The following DMBT1 variants were observed in gnomAD, a reference collection of about 807,000 sequenced individuals.
The protein encoded by DMBT1 is deleted in malignant brain tumors 1, also known as scavenger receptor cysteine-rich domain-containing protein DMBT1.
A neutral mutation model predicts 252.9 loss-of-function variants in DMBT1; 198 were observed. The ratio of observed to expected loss-of-function variants is 0.78; its 90% CI spans 0.70 to 0.88. DMBT1 has a LOEUF of 0.88. Ranked by LOEUF, DMBT1 falls within the 40% of genes least tolerant of loss-of-function variation. DMBT1 has a pLI of 0.00. For missense variants in DMBT1, 2,432 were observed against 2,404.7 expected, an observed-to-expected ratio of 1.01 and a Z score of -0.24; for synonymous variants, 990 against 942.7, an observed-to-expected ratio of 1.05 and a Z score of -0.92.
chr10:122,627,935 A>G (rs1251465659), intron 46 of DMBT1, among the ~76,000 whole-genome samples: 1 of 152,264 alleles, frequency 6.6e-6, no homozygotes, highest in African/African-American at 2.4e-5. Context: ...AAGGCATTGG[A>G]AAGATGCTCA....
intron 2 of DMBT1, among the ~76,000 whole-genome samples, chr10:122,568,916 A>T (rs1447758061): frequency 6.6e-6 from 1 of 152,184 alleles, no homozygotes; most frequent in Admixed American, 6.5e-5. Context: ...GGTAGTGTGG[A>T]TATCACCTTG....
Position 122,630,382 on chromosome 10 carries a change from A to G in DMBT1, c.5917A>G (p.Thr1973Ala), listed in dbSNP as rs751935805. The change falls in exon 48 of 56, where the codon ACC (threonine) becomes GCC (alanine). Residue 1973 changes from threonine to alanine, a missense_variant. Around this residue, in one of 3 missense-constraint regions of DMBT1, gnomAD observed 1,162 missense variants for 1,169.0 expected, o/e 0.99. Transcript: ENST00000338354. The stretch of plus-strand genomic sequence containing the variant: ...CCTGCTGGGGAAAATCTGTAATGAT[A>G]CCAGGCAAATATTTACATCTTCTTA... ...SLLLGKICND[T>A]RQIFTSSYNR... 3.7e-6 allele frequency: 6 copies of G among 1,613,912 alleles called. No homozygotes were observed. Among genetic ancestry groups the G allele is most frequent in the Admixed American group, 1.7e-5 (1 of 60,006 alleles).
chr10:122,597,446 C>T (rs905945093), intron 24 of DMBT1, among the ~76,000 whole-genome samples: 4 of 152,166 alleles, frequency 2.6e-5, no homozygotes, highest in South Asian at 2.1e-4. Context: ...ATGGCTGCCG[C>T]CACAGGCAAG....
chr10:122,572,256 C>A, intron 4 of DMBT1, 58 bp from the exon 5 acceptor site: 2 of 1,607,586 alleles, frequency 1.2e-6, no homozygotes, highest in Non-Finnish European at 1.7e-6. Context: ...AAGCCATGGA[C>A]CAACCCTCTT....
intron 6 of DMBT1, among the ~76,000 whole-genome samples, chr10:122,575,667 T>C (rs2097706070): frequency 6.6e-6 from 1 of 152,202 alleles, no homozygotes; most frequent in Non-Finnish European, 1.5e-5. Flanking sequence ...ACTATATCCA[T>C]GGGCTTTACT....
intron 6 of DMBT1, 64 bp downstream of exon 6, chr10:122,573,826 T>G: frequency 2.1e-5 from 33 of 1,570,200 alleles, no homozygotes; most frequent in Non-Finnish European, 2.5e-5. Flanking sequence ...GGTTAATCTC[T>G]GATTCAGATG....
Position 122,576,477 on chromosome 10 carries a change from G to A in DMBT1, c.362G>A (p.Gly121Asp), listed in dbSNP as rs377299665. ...GGCCGAGTGGAGATCCTATACCGAG[G>A]CTCCTGGGGCACCGTGTGTGATGAC... ...CQGRVEILYR[G>D]SWGTVCDDSW... is the part of the protein sequence containing the mutation. Residue 121 changes from glycine to aspartate, a missense_variant, in exon 7 of 56, where the codon GGC (glycine) becomes GAC (aspartate). Physicochemically the swap from Gly to Asp is moderately conservative, Grantham distance 94 (BLOSUM62 -1). Around this residue, in one of 3 missense-constraint regions of DMBT1, gnomAD observed 1,264 missense variants for 1,082.2 expected, o/e 1.17. Transcript: ENST00000338354. The A allele has an allele frequency of 6.2e-7, 1 of 1,614,010 alleles. No homozygotes were observed. Among genetic ancestry groups the A allele is most frequent in the Non-Finnish European group, 8.5e-7 (1 of 1,179,888 alleles).
rs1304521728 is a variant in DMBT1, at chr10:122,620,397, T to C, written c.5284+106T>C. 46 of 1,393,704 alleles carry C rather than the reference T, an allele frequency of 3.3e-5. 1 individual carries two copies. The highest frequency in any genetic ancestry group is 2.0e-4 in the Middle Eastern group (1 of 5,054). 86.3% of individuals were successfully genotyped at this position (1,393,704 alleles called of 1,614,324 possible). A position where few individuals can be genotyped will look rare whatever the true frequency, so the allele number is the denominator to read the frequency against. On this transcript the variant is annotated intron_variant, in intron 43 of 55. Transcript: ENST00000338354. Reference sequence around the variant, plus strand: ...CTCAAGCTGGCGCCTCTGTTTTTCATGTTTCCGCGAGTTGCCTGGGGAGGT... The same window carrying C: ...CTCAAGCTGGCGCCTCTGTTTTTCACGTTTCCGCGAGTTGCCTGGGGAGGT...
chr10:122,631,253 T>A lies in DMBT1; in HGVS notation c.6318T>A (p.His2106Gln), dbSNP rs761827041. The change falls in exon 49 of 56, where the codon CAT (histidine) becomes CAA (glutamine). Residue 2106 changes from histidine (H) to glutamine (Q), a missense_variant. Coordinates refer to ENST00000338354, the MANE Select transcript of DMBT1 (RefSeq NM_001377530.1). Reference sequence around the variant, plus strand: ...GCTGGTTCTCCCACAACTGTAATCATCGTGAAGATGCTGGTGTCATCTGCT... The same window carrying A: ...GCTGGTTCTCCCACAACTGTAATCAACGTGAAGATGCTGGTGTCATCTGCT... The part of the protein sequence containing the change: ...NRGWFSHNCN[H>Q]REDAGVICSG... The A allele has an allele frequency of 6.2e-7, 1 of 1,614,018 alleles. No homozygotes were observed. The highest frequency in any genetic ancestry group is 8.5e-7 in the Non-Finnish European group (1 of 1,179,890).
Position 122,618,341 on chromosome 10 carries a change from G to C in DMBT1, c.5215+1G>C, listed in dbSNP as rs536562814. On this transcript the variant is annotated splice_donor_variant, in intron 41 of 55. Coordinates refer to ENST00000338354, the MANE Select transcript of DMBT1 (RefSeq NM_001377530.1). LOFTEE classifies it high-confidence loss of function. ...GAAGATGCTGGTGTCATCTGCTCAG[G>C]TGGGCTTTCAAGACCTTGGGCTCCC... 1 of 1,613,862 alleles carries C rather than the reference G, an allele frequency of 6.2e-7. No homozygotes were observed. The highest frequency in any genetic ancestry group is 1.1e-5 in the South Asian group (1 of 91,072).
Position 122,592,334 on chromosome 10 carries a change from G to C in DMBT1, c.2239G>C (p.Glu747Gln), listed in dbSNP as rs370527817. ...AAGTGACAGGTGTCAGGGCCGAGTA[G>C]AGGTCCTATACCGAGGCTCCTGGGG... ...NGSDRCQGRV[E>Q]VLYRGSWGTV... Residue 747 changes from glutamate (E) to glutamine (Q), a missense_variant, in exon 20 of 56, where the codon GAG becomes CAG. Physicochemically the swap from Glu to Gln is conservative, Grantham distance 29 (BLOSUM62 2). Coordinates refer to ENST00000338354, the MANE Select transcript of DMBT1 (RefSeq NM_001377530.1). 11 of 1,587,928 alleles carry C rather than the reference G, an allele frequency of 6.9e-6. 2 individuals carry two copies. The highest frequency in any genetic ancestry group is 9.4e-6 in the Non-Finnish European group (11 of 1,165,714).
At chr10:122,599,301 C>G (rs978343497) in intron 26 of DMBT1, among the ~76,000 whole-genome samples, 1 of 152,220 alleles carries the variant, frequency 6.6e-6, no homozygotes, top group African/African-American at 2.4e-5. Flanking sequence ...CAAACTCAAA[C>G]AACCCAGAGT....
chr10:122,586,546 C>T (rs11528755), intron 16 of DMBT1, among the ~76,000 whole-genome samples, 163 bp downstream of exon 16: 19,537 of 147,740 alleles, frequency 0.13, 2,425 homozygotes, highest in African/African-American at 0.21. Context: ...CACCACATTG[C>T]CAGGTTTTGA....
chr10:122,623,050 A>G (rs1424274034), intron 44 of DMBT1, among the ~76,000 whole-genome samples: 2 of 152,006 alleles, frequency 1.3e-5, no homozygotes, highest in African/African-American at 4.8e-5. Flanking sequence ...CCCCTTAACC[A>G]TTCATAATCC....
At chr10:122,588,107 T>C (rs2133575178) in intron 16 of DMBT1, among the ~76,000 whole-genome samples, 1 of 148,746 alleles carries the variant, frequency 6.7e-6, no homozygotes, top group East Asian at 2.1e-4. Context: ...CTAGCCTTTG[T>C]CTTTGTTGCA....
intron 44 of DMBT1, among the ~76,000 whole-genome samples, chr10:122,621,918 G>A (rs1263701436): frequency 6.6e-6 from 1 of 152,204 alleles, no homozygotes; most frequent in East Asian, 1.9e-4. Context: ...GAACTGCAGT[G>A]CATTGTGTGT....
In DMBT1 at chr10:122,621,224, G is replaced by A; in HGVS notation, c.5452G>A (p.Ala1818Thr). 6.2e-7 allele frequency: 1 copy of A among 1,613,856 alleles called. No individual in the cohort carries two copies. Among genetic ancestry groups the A allele is most frequent in the Non-Finnish European group, 8.5e-7 (1 of 1,179,776 alleles). The stretch of plus-strand genomic sequence containing the variant: ...GCTGGGCTGTGGCTGGGCCATGTCG[G>A]CCCCAGGAAATGCCCGGTTTGGCCA... ...RQLGCGWAMS[A>T]PGNARFGQGS... Residue 1818 changes from alanine to threonine, a missense_variant, in exon 44 of 56, where the codon GCC becomes ACC. This residue lies in a region of DMBT1 where 1,162 missense variants were observed against 1,169.0 expected (regional missense o/e 0.99). Coordinates refer to ENST00000338354, the MANE Select transcript of DMBT1 (RefSeq NM_001377530.1).
At chr10:122,580,979 T>C (rs1055780995) in intron 11 of DMBT1, 84 bp downstream of exon 11, 5 of 1,547,100 alleles carry the variant, frequency 3.2e-6, no homozygotes, top group Non-Finnish European at 4.4e-6. Flanking sequence ...CTCTCCTGTT[T>C]CTCTGTGTGG....
rs765712044 is a variant in DMBT1, at chr10:122,592,267, T to C, written c.2177-5T>C. The C allele has an allele frequency of 8.8e-6, 14 of 1,586,354 alleles. 1 individual carries two copies. The highest frequency in any genetic ancestry group is 1.7e-5 in the Admixed American group (1 of 59,494). ...TGGATAAAGGGTTCTTGTGTTCCCCTGTAGGATCTGAATCCAGTTTGACCC... is the reference window on the plus strand; with the variant it reads ...TGGATAAAGGGTTCTTGTGTTCCCCCGTAGGATCTGAATCCAGTTTGACCC... On this transcript the variant is annotated splice_polypyrimidine_tract_variant and splice_region_variant and intron_variant, in intron 19 of 55. Transcript: ENST00000338354.
Sources: allele counts gnomAD v4.1 joint callset (sites outside exome capture counted in the v4.1 genomes callset), GRCh38; gene constraint gnomAD v4.1.1; regional missense constraint gnomAD v4.1.1; transcripts MANE v1.5; gene names NCBI Gene and HGNC (gene_info 2026-07-23, HGNC 2026-07-21).